DGKI: variants seen among roughly 807,000 people sequenced by gnomAD.
DGKI encodes the protein DAG kinase iota.
DGKI carries 55 observed loss-of-function variants against 147.5 expected under a neutral mutation model. The observed-to-expected ratio is 0.37, with a 90% confidence interval of 0.30 to 0.47. The LOEUF (loss-of-function observed/expected upper bound fraction) is 0.47, where lower values mean the gene tolerates loss of function less well. DGKI is among the 20% of genes least tolerant of loss of function. The pLI is 1.00. For missense variants in DGKI, 1,007 were observed against 1,323.8 expected (o/e 0.76, Z 3.71); for synonymous variants, 469 against 477.1 (o/e 0.98, Z 0.22).
At chr7:137,697,893 T>C (rs984950189) in intron 1 of DGKI, among the ~76,000 whole-genome samples, 9 of 151,890 alleles carry the variant, frequency 5.9e-5, no homozygotes, top group Admixed American at 2.0e-4. Context: ...AACTATTAAT[T>C]AGAATTCCTT....
At chr7:137,645,132 C>T (rs1168142871) in intron 6 of DGKI, among the ~76,000 whole-genome samples, 1 of 152,228 alleles carries the variant, frequency 6.6e-6, no homozygotes, top group Non-Finnish European at 1.5e-5. Flanking sequence ...TGCTCAAACC[C>T]ATTGATTTGC....
At chr7:137,446,039 T>C (rs761291546) in intron 27 of DGKI, among the ~76,000 whole-genome samples, 1 of 152,228 alleles carries the variant, frequency 6.6e-6, no homozygotes, top group African/African-American at 2.4e-5. Context: ...TGGTGTTTGC[T>C]GATGAGAAGT....
chr7:137,579,448 AAAAG>A (rs1285756532), intron 15 of DGKI, among the ~76,000 whole-genome samples: 3 of 151,344 alleles, frequency 2.0e-5, no homozygotes, highest in Non-Finnish European at 2.9e-5. Flanking sequence ...AAAAAAAAAA[AAAAG>A]AAAGAAAAAA....
At chr7:137,776,497 C>T (rs1019085768) in intron 1 of DGKI, among the ~76,000 whole-genome samples, 8 of 152,108 alleles carry the variant, frequency 5.3e-5, no homozygotes, top group Non-Finnish European at 1.0e-4. Flanking sequence ...TCTTACTTTA[C>T]GTGTGTGTGT....
chr7:137,425,765 G>A (rs1812775872), intron 28 of DGKI, among the ~76,000 whole-genome samples: 1 of 152,200 alleles, frequency 6.6e-6, no homozygotes, highest in Admixed American at 6.5e-5. Flanking sequence ...GAAGCCTCGG[G>A]AGCCGATGCG....
At chr7:137,394,405 C>T (rs1811473696) in intron 32 of DGKI, among the ~76,000 whole-genome samples, 1 of 152,182 alleles carries the variant, frequency 6.6e-6, no homozygotes, top group South Asian at 2.1e-4. Flanking sequence ...ATTGGACACC[C>T]CTGCTCTATG....
intron 4 of DGKI, 122 bp downstream of exon 4, chr7:137,656,344 G>A (rs1822219859): frequency 1.0e-6 from 1 of 975,038 alleles, no homozygotes; most frequent in South Asian, 1.5e-5. Context: ...TAATAATGTT[G>A]GACTTCCAGC....
chr7:137,598,960 A>G (rs1819891517), intron 11 of DGKI, among the ~76,000 whole-genome samples: 1 of 152,146 alleles, frequency 6.6e-6, no homozygotes, highest in Admixed American at 6.5e-5. Flanking sequence ...ATAACAAATT[A>G]ATTTTCATAT....
At chr7:137,690,080 A>G (rs1287297698) in intron 1 of DGKI, 78 bp from the exon 2 acceptor site, 1 of 1,089,902 alleles carries the variant, frequency 9.2e-7, no homozygotes. Flanking sequence ...AAAATTTCCC[A>G]TGGGGTAGAA....
At chr7:137,674,797 T>G (rs1483690649) in intron 3 of DGKI, among the ~76,000 whole-genome samples, 10 of 152,172 alleles carry the variant, frequency 6.6e-5, no homozygotes, top group Admixed American at 3.3e-4. Flanking sequence ...AAAACTGAGC[T>G]CGAACCCCAT....
intron 28 of DGKI, among the ~76,000 whole-genome samples, chr7:137,413,662 A>G (rs1435759101): frequency 6.6e-6 from 1 of 152,128 alleles, no homozygotes; most frequent in Non-Finnish European, 1.5e-5. Flanking sequence ...TATATACCAC[A>G]TTTTCTTTAT....
At chr7:137,764,945 C>T (rs575178591) in intron 1 of DGKI, among the ~76,000 whole-genome samples, 2 of 152,278 alleles carry the variant, frequency 1.3e-5, no homozygotes, top group South Asian at 4.1e-4. Context: ...CAGGGGCTTC[C>T]AGGGTAACTT....
intron 8 of DGKI, among the ~76,000 whole-genome samples, chr7:137,611,642 G>C (rs1200575028): frequency 6.6e-6 from 1 of 152,138 alleles, no homozygotes; most frequent in Non-Finnish European, 1.5e-5. Context: ...TCATGGGACA[G>C]TTATGAAGTT....
At chr7:137,666,671 A>C (rs1822653182) in intron 3 of DGKI, among the ~76,000 whole-genome samples, 1 of 152,188 alleles carries the variant, frequency 6.6e-6, no homozygotes, top group African/African-American at 2.4e-5. Flanking sequence ...CAGAGTTGCC[A>C]GGCGGAGAGT....
chr7:137,426,531 T>C (rs1812813834), intron 28 of DGKI, among the ~76,000 whole-genome samples: 1 of 152,088 alleles, frequency 6.6e-6, no homozygotes, highest in Non-Finnish European at 1.5e-5. Context: ...AATGACAGGA[T>C]CAACTTCACA....
At chr7:137,833,341 C>T (rs989045138) in intron 1 of DGKI, among the ~76,000 whole-genome samples, 6 of 152,092 alleles carry the variant, frequency 3.9e-5, no homozygotes, top group African/African-American at 1.4e-4. Flanking sequence ...ATGGCAAAGT[C>T]AAGGAGGAAC....
At chr7:137,830,299 G>C (rs757313665) in intron 1 of DGKI, among the ~76,000 whole-genome samples, 2 of 152,198 alleles carry the variant, frequency 1.3e-5, no homozygotes, top group African/African-American at 2.4e-5. Context: ...TATGCCTATG[G>C]TATGTAGGTG....
In DGKI at chr7:137,651,668, G is replaced by A. The variant is rs573588004; in HGVS notation, c.738+3064C>T. Among the ~76,000 whole-genome samples the A allele has an allele frequency of 1.8e-4, 28 of 152,222 alleles. No homozygotes were observed. In the South Asian group the frequency reaches 4.6e-3, roughly 25 times the overall value. Reference sequence around the variant, plus strand: ...CTGGATAAGCTCCTCTAACAGGAGTGGGCAGACGGAAGAGAACATAGAAAA... The same window carrying A: ...CTGGATAAGCTCCTCTAACAGGAGTAGGCAGACGGAAGAGAACATAGAAAA... On this transcript the variant is annotated intron_variant, in intron 5 of 32. Coordinates refer to ENST00000614521, the MANE Select transcript of DGKI (RefSeq NM_001321708.2).
At chr7:137,406,207 CAAAA>C (rs1365287527) in intron 30 of DGKI, among the ~76,000 whole-genome samples, 1 of 152,062 alleles carries the variant, frequency 6.6e-6, no homozygotes, top group Non-Finnish European at 1.5e-5. Context: ...CTGAGCTAAA[CAAAA>C]ATAAAGTGAC....
Sources: gnomAD v4.1 joint callset for allele counts (sites outside exome capture counted in the v4.1 genomes callset) on GRCh38, gnomAD v4.1.1 for gene constraint, MANE v1.5 for transcripts, NCBI Gene and HGNC (gene_info 2026-07-23, HGNC 2026-07-21) for gene names.